The following ASPA variants were observed in gnomAD, a reference collection of about 807,000 sequenced individuals.
ASPA encodes ACY-2.
ASPA carries 25 observed loss-of-function variants against 29.6 expected under a neutral mutation model. That is an observed-to-expected ratio of 0.85 (90% CI 0.62 to 1.18). ASPA has a LOEUF of 1.18. Ranked by LOEUF, ASPA falls within the 50% of genes most tolerant of loss-of-function variation. The probability of loss-of-function intolerance (pLI) is 0.00; values close to 1 mark genes in which losing one functional copy is unlikely to be tolerated. For missense variants in ASPA, 333 were observed against 385.7 expected (o/e 0.86, Z 1.14); for synonymous variants, 131 against 130.3 (o/e 1.01, Z -0.04).
At chr17:3,486,093 C>G (rs1187703710) in intron 3 of ASPA, among the ~76,000 whole-genome samples, 1 of 152,146 alleles carries the variant, frequency 6.6e-6, no homozygotes, top group Non-Finnish European at 1.5e-5. Context: ...CCACCATACC[C>G]AGCAAATTTT....
At position 3,476,039 on chromosome 17, in the gene ASPA, A is replaced by G; in HGVS notation, c.-121A>G. On this transcript the variant is annotated 5_prime_UTR_variant, in exon 1 of 6. Transcript: ENST00000263080. ...ATTAAAATATACTCCACTCAAGGGA[A>G]TTCTGTACTTTGCCCTTTGGGTAAA... 1.1e-6 allele frequency: 1 copy of G among 907,800 alleles called. No individual in the cohort carries two copies. Among genetic ancestry groups the G allele is most frequent in the African/African-American group, 1.7e-5 (1 of 60,432 alleles). 56.2% of individuals were successfully genotyped at this position (907,800 alleles called of 1,614,324 possible).
In ASPA at chr17:3,485,315, TCA is replaced by T. The variant is rs1227844322; in HGVS notation, c.526+1726_526+1727del. On this transcript the variant is annotated intron_variant, in intron 3 of 5. Coordinates refer to ENST00000263080, the MANE Select transcript of ASPA (RefSeq NM_000049.4). This position sits in a 1 kb window ranked among gnomAD's most constrained non-coding sequence, Gnocchi z 4.4. ...GTGAGCCACCACACCTGTACCTCATTCACAGTTTTAATCACACCTATCCCACA... is the reference window on the plus strand; with the variant it reads ...GTGAGCCACCACACCTGTACCTCATTCAGTTTTAATCACACCTATCCCACA... Among the ~76,000 whole-genome samples the T allele has an allele frequency of 6.6e-6, 1 of 152,074 alleles. No homozygotes were observed. Among genetic ancestry groups the T allele is most frequent in the African/African-American group, 2.4e-5 (1 of 41,408 alleles).
intron 3 of ASPA, among the ~76,000 whole-genome samples, chr17:3,486,195 A>G (rs1249002923): frequency 6.6e-6 from 1 of 152,096 alleles, no homozygotes; most frequent in Non-Finnish European, 1.5e-5. Context: ...CGGCCTCCCA[A>G]AGTGCTGGGA....
chr17:3,490,512 G>A lies in ASPA; in HGVS notation c.634+1170G>A, dbSNP rs1187489902. On this transcript the variant is annotated intron_variant, in intron 4 of 5. Coordinates refer to ENST00000263080, the MANE Select transcript of ASPA (RefSeq NM_000049.4). This position sits in a 1 kb window ranked among gnomAD's most constrained non-coding sequence, Gnocchi z 4.6. ...GGGGTGTGTACTTCGGTGTCTGTGG[G>A]GAGTGAATTCCTCAACCTCAGATCG... Among the ~76,000 whole-genome samples the A allele has an allele frequency of 6.6e-6, 1 of 151,130 alleles. No homozygotes were observed.
In ASPA at chr17:3,499,185, A is replaced by ATAG; in HGVS notation, c.*98_*100dup. ...GGTTGTGCCTTATTCAACTGCATAC[A>ATAG]TAGCTCCTAGCACAGTGCCTTATTC... On this transcript the variant is annotated 3_prime_UTR_variant, in exon 6 of 6. Coordinates refer to ENST00000263080, the MANE Select transcript of ASPA (RefSeq NM_000049.4). 1.5e-6 allele frequency: 2 copies of ATAG among 1,342,844 alleles called. No individual in the cohort carries two copies. The highest frequency in any genetic ancestry group is 2.1e-6 in the Non-Finnish European group (2 of 962,102). The allele number at this position is 1,342,844 out of a possible 1,614,324, so 83.2% of individuals were successfully genotyped here. A position where few individuals can be genotyped will look rare whatever the true frequency, so the allele number is the denominator to read the frequency against.
chr17:3,479,333 T>C (rs1013024658), intron 1 of ASPA, among the ~76,000 whole-genome samples: 3 of 152,188 alleles, frequency 2.0e-5, no homozygotes, highest in Non-Finnish European at 2.9e-5. Flanking sequence ...GGAAGAATGA[T>C]ATAGAACCAA....
At chr17:3,492,031 C>T (rs1375296079) in intron 4 of ASPA, among the ~76,000 whole-genome samples, 1 of 151,986 alleles carries the variant, frequency 6.6e-6, no homozygotes, top group Non-Finnish European at 1.5e-5. Context: ...CGTGCACCAC[C>T]ACACCTGGCT....
chr17:3,477,154 C>CAA (rs550572057), intron 1 of ASPA, among the ~76,000 whole-genome samples: 1 of 151,750 alleles, frequency 6.6e-6, no homozygotes, highest in African/African-American at 2.4e-5. Context: ...GACTCCGTCT[C>CAA]AAAAAAATAA....
At chr17:3,475,775 A>G (rs1027851508), upstream of ASPA, 3 of 209,374 alleles carry the variant, frequency 1.4e-5, no homozygotes, top group Admixed American at 1.6e-4. Flanking sequence ...ATTATTACAG[A>G]TAATTGTGAA....
rs562246714 is a variant in ASPA, at chr17:3,490,175, G to A, written c.634+833G>A. 3.3e-5 allele frequency among the ~76,000 whole-genome samples: 5 copies of A among 152,076 alleles called. No homozygotes were observed. Among genetic ancestry groups the A allele is most frequent in the African/African-American group, 4.8e-5 (2 of 41,396 alleles). On this transcript the variant is annotated intron_variant, in intron 4 of 5. Transcript: ENST00000263080. This position sits in a 1 kb window ranked among gnomAD's most constrained non-coding sequence, Gnocchi z 4.6. ...ACTGATAACAATAGTTACCGGGGAC[G>A]GGAGGCAAAACCCAGGCTAATTTTG... is the stretch of plus-strand genomic sequence containing the variant.
chr17:3,496,576 G>A (rs756078422), intron 5 of ASPA, among the ~76,000 whole-genome samples: 4 of 152,102 alleles, frequency 2.6e-5, no homozygotes, highest in Non-Finnish European at 5.9e-5. Context: ...AGCAGAGGAC[G>A]GTAGAGCCTG....
intron 3 of ASPA, among the ~76,000 whole-genome samples, chr17:3,486,325 C>T (rs763593922): frequency 6.6e-6 from 1 of 152,196 alleles, no homozygotes; most frequent in African/African-American, 2.4e-5. Flanking sequence ...GTTCACTATA[C>T]AGACATCCTT....
At chr17:3,481,950 G>A in intron 2 of ASPA, 152 bp downstream of exon 2, 2 of 706,552 alleles carry the variant, frequency 2.8e-6, no homozygotes, top group Admixed American at 2.8e-5. Flanking sequence ...GGGGGAAAGG[G>A]TGCTACCAGA....
chr17:3,485,622 G>A lies in ASPA; in HGVS notation c.526+2030G>A, dbSNP rs2073704748. 1.3e-5 allele frequency among the ~76,000 whole-genome samples: 2 copies of A among 152,206 alleles called. No homozygotes were observed. The highest frequency in any genetic ancestry group is 2.9e-5 in the Non-Finnish European group (2 of 68,048). On this transcript the variant is annotated intron_variant, in intron 3 of 5. Coordinates refer to ENST00000263080, the MANE Select transcript of ASPA (RefSeq NM_000049.4). This position sits in a 1 kb window ranked among gnomAD's most constrained non-coding sequence, Gnocchi z 4.4. ...ACTGGATCAGAAAGGCAAGGGATCT[G>A]TTTCTCCAAAGTGCTTGTGCTACCA...
At chr17:3,493,996 T>A (rs2150758572) in intron 4 of ASPA, among the ~76,000 whole-genome samples, 1 of 152,040 alleles carries the variant, frequency 6.6e-6, no homozygotes, top group East Asian at 1.9e-4. Context: ...GCTGTTGTTA[T>A]TATTGTTTCT....
intron 2 of ASPA, 71 bp downstream of exon 2, chr17:3,481,869 C>A: frequency 2.2e-6 from 3 of 1,362,602 alleles, no homozygotes; most frequent in Non-Finnish European, 2.0e-6. Context: ...GGATGTGAGA[C>A]AATCAGAAAA....
In ASPA at chr17:3,490,071, A is replaced by T. The variant is rs1425470173; in HGVS notation, c.634+729A>T. Among the ~76,000 whole-genome samples, 2 of 152,238 alleles carry T rather than the reference A, an allele frequency of 1.3e-5. No individual in the cohort carries two copies. Among genetic ancestry groups the T allele is most frequent in the Non-Finnish European group, 2.9e-5 (2 of 68,040 alleles). On this transcript the variant is annotated intron_variant, in intron 4 of 5. Coordinates refer to ENST00000263080, the MANE Select transcript of ASPA (RefSeq NM_000049.4). The surrounding 1 kb of genome is among the most constrained non-coding windows in gnomAD (Gnocchi z 4.6). ...CAGTACACCAATTGGCTTTAAAATA[A>T]CAATAATAATCATCACCTTCTAGGA...
chr17:3,477,572 C>A (rs1378680797), intron 1 of ASPA, among the ~76,000 whole-genome samples: 1 of 152,072 alleles, frequency 6.6e-6, no homozygotes, highest in Non-Finnish European at 1.5e-5. Context: ...CCTGCCTCAA[C>A]CTCCCGAGTA....
chr17:3,490,952 G>A lies in ASPA; in HGVS notation c.634+1610G>A, dbSNP rs561858698. Reference sequence around the variant, plus strand: ...CGGCAAATCAAAAATTGTCAACCACGATTAATTTAGACTATCCAGCTTGGT... The same window carrying A: ...CGGCAAATCAAAAATTGTCAACCACAATTAATTTAGACTATCCAGCTTGGT... On this transcript the variant is annotated intron_variant, in intron 4 of 5. Coordinates refer to ENST00000263080, the MANE Select transcript of ASPA (RefSeq NM_000049.4). The surrounding 1 kb of genome is among the most constrained non-coding windows in gnomAD (Gnocchi z 4.6). Among the ~76,000 whole-genome samples, 20 of 152,256 alleles carry A rather than the reference G, an allele frequency of 1.3e-4. No homozygotes were observed. Among genetic ancestry groups the A allele is most frequent in the South Asian group, 6.2e-4 (3 of 4,826 alleles).
Sources: allele counts gnomAD v4.1 joint callset (sites outside exome capture counted in the v4.1 genomes callset), GRCh38; gene constraint gnomAD v4.1.1; non-coding constraint Gnocchi (gnomAD v3.1); transcripts MANE v1.5; gene names NCBI Gene and HGNC (gene_info 2026-07-23, HGNC 2026-07-21).